Variants in PSMA6 observed in about 807,000 individuals in gnomAD.
PSMA6 encodes the protein proteasome 20S subunit alpha 6.
For missense variants in PSMA6, 170 were observed against 294.8 expected (o/e 0.58, Z 3.10); for synonymous variants, 88 against 97.7 (o/e 0.90, Z 0.59).
chr14:35,310,191 C>CTTTT, intron 3 of PSMA6: 2 of 353,870 alleles, frequency 5.7e-6, no homozygotes, highest in Non-Finnish European at 5.4e-6. Context: ...CTCTCAAGGC[C>CTTTT]TTTTTTTTTT....
chr14:35,281,572 A>G (rs1341602746), intron 1 of PSMA6, among the ~76,000 whole-genome samples: 4 of 152,166 alleles, frequency 2.6e-5, no homozygotes, highest in Admixed American at 2.0e-4. Context: ...CCACAATTAT[A>G]TAAAAAATAG....
chr14:35,309,897 G>A (rs1209070948), intron 3 of PSMA6, among the ~76,000 whole-genome samples: 7 of 151,966 alleles, frequency 4.6e-5, no homozygotes, highest in Non-Finnish European at 7.4e-5. Flanking sequence ...GCTTGAACCC[G>A]GGAGGTAGAG....
chr14:35,285,363 A>AAAC (rs1401493511), intron 1 of PSMA6, among the ~76,000 whole-genome samples: 1 of 151,340 alleles, frequency 6.6e-6, no homozygotes, highest in Non-Finnish European at 1.5e-5. Context: ...AACAAAAAAA[A>AAAC]AAACCGTAGC....
At chr14:35,308,185 G>T in intron 2 of PSMA6, 97 bp downstream of exon 2, 1 of 1,482,570 alleles carries the variant, frequency 6.7e-7, no homozygotes. Flanking sequence ...ACTTTGGGAG[G>T]CTGAGGTGGG....
intron 4 of PSMA6, chr14:35,312,607 A>C (rs970662212): frequency 5.0e-6 from 2 of 401,268 alleles, no homozygotes; most frequent in African/African-American, 4.1e-5. Context: ...GGATAACAGC[A>C]AGGATTGGAA....
intron 1 of PSMA6, among the ~76,000 whole-genome samples, chr14:35,294,251 G>T (rs1005319043): frequency 1.3e-5 from 2 of 149,310 alleles, no homozygotes; most frequent in African/African-American, 5.1e-5. Flanking sequence ...TGTTGATCTC[G>T]AACTCCCAAC....
At chr14:35,312,521 AAAAAAAAAAAAG>A (rs1566563166) in intron 4 of PSMA6, among the ~76,000 whole-genome samples, 1 of 116,886 alleles carries the variant, frequency 8.6e-6, no homozygotes, top group African/African-American at 2.7e-5. Flanking sequence ...AAAAAAAAAA[AAAAAAAAAAAAG>A]TGTTTTTGAA....
At chr14:35,306,930 TGA>T (rs1445255800) in intron 1 of PSMA6, among the ~76,000 whole-genome samples, 1 of 152,136 alleles carries the variant, frequency 6.6e-6, no homozygotes, top group East Asian at 1.9e-4. Context: ...GTGGATCACC[TGA>T]GGTCAGGAGT....
At chr14:35,311,484 G>C (rs2051943915) in intron 4 of PSMA6, among the ~76,000 whole-genome samples, 1 of 152,128 alleles carries the variant, frequency 6.6e-6, no homozygotes, top group African/African-American at 2.4e-5. Flanking sequence ...TTTCTGTTTA[G>C]CATCTGACCC....
intron 1 of PSMA6, among the ~76,000 whole-genome samples, chr14:35,282,117 A>G (rs2051371829): frequency 6.6e-6 from 1 of 152,222 alleles, no homozygotes; most frequent in Non-Finnish European, 1.5e-5. Flanking sequence ...CAGCTGACCA[A>G]CTTCACCTGA....
At chr14:35,314,776 A>G (rs1425159633) in intron 6 of PSMA6, 4 of 162,402 alleles carry the variant, frequency 2.5e-5, no homozygotes, top group East Asian at 1.8e-4. Flanking sequence ...TACAAATTCA[A>G]TTCCCAAAGT....
chr14:35,298,583 C>G (rs1293511070), intron 1 of PSMA6, among the ~76,000 whole-genome samples: 1 of 152,012 alleles, frequency 6.6e-6, no homozygotes, highest in African/African-American at 2.4e-5. Context: ...TTTTAGAGTT[C>G]TGTAAGTTTC....
chr14:35,317,017 A>AATG, intron 6 of PSMA6: 1 of 396,516 alleles, frequency 2.5e-6, no homozygotes, highest in Non-Finnish European at 4.5e-6. Context: ...ATCTGATGTC[A>AATG]AAGTAAACAT....
At chr14:35,280,750 A>T (rs73239072) in intron 1 of PSMA6, among the ~76,000 whole-genome samples, 22,365 of 151,654 alleles carry the variant, frequency 0.15, 3,137 homozygotes, top group African/African-American at 0.36. Flanking sequence ...ATGGGGTCTC[A>T]CTGTGTTGCC....
intron 4 of PSMA6, among the ~76,000 whole-genome samples, chr14:35,312,275 G>GT (rs2051958469): frequency 6.6e-6 from 1 of 151,798 alleles, no homozygotes; most frequent in South Asian, 2.1e-4. Context: ...GGGAGGACGA[G>GT]GCAGGTGGAT....
chr14:35,302,354 C>T (rs967194504), intron 1 of PSMA6, among the ~76,000 whole-genome samples: 2 of 152,226 alleles, frequency 1.3e-5, no homozygotes, highest in Non-Finnish European at 2.9e-5. Context: ...TGAGCCATCA[C>T]ACACAGCCAG....
intron 1 of PSMA6, among the ~76,000 whole-genome samples, chr14:35,303,201 A>C (rs775485016): frequency 7.9e-5 from 12 of 152,120 alleles, no homozygotes; most frequent in Non-Finnish European, 2.9e-5. Context: ...TAGGCAGTTA[A>C]TTTGGTTATT....
At chr14:35,312,656 T>A (rs2051967394) in intron 4 of PSMA6, 6 of 428,978 alleles carry the variant, frequency 1.4e-5, no homozygotes, top group Non-Finnish European at 2.0e-5. Flanking sequence ...ATTCAAACTA[T>A]TTTTTTTAAT....
intron 3 of PSMA6, among the ~76,000 whole-genome samples, chr14:35,309,231 G>C (rs1247369849): frequency 1.3e-5 from 2 of 152,166 alleles, no homozygotes; most frequent in African/African-American, 4.8e-5. Context: ...AAACTGGGCT[G>C]AGGGCCCTTT....
Sources: allele counts gnomAD v4.1 joint callset (sites outside exome capture counted in the v4.1 genomes callset), GRCh38; gene constraint gnomAD v4.1.1; transcripts MANE v1.5; gene names NCBI Gene and HGNC (gene_info 2026-07-23, HGNC 2026-07-21).